LPCAT3: variants seen among roughly 807,000 people sequenced by gnomAD.
The protein encoded by LPCAT3 is lysophosphatidylcholine acyltransferase 3.
A neutral mutation model predicts 63.4 loss-of-function variants in LPCAT3; 21 were observed. The observed-to-expected ratio is 0.33, with a 90% confidence interval of 0.23 to 0.48. The LOEUF (loss-of-function observed/expected upper bound fraction) is 0.48, where lower values mean the gene tolerates loss of function less well. LPCAT3 is among the 20% of genes least tolerant of loss of function. The probability of loss-of-function intolerance (pLI) is 0.99; values close to 1 mark genes in which losing one functional copy is unlikely to be tolerated. For missense variants in LPCAT3, 451 were observed against 590.6 expected, an observed-to-expected ratio of 0.76 and a Z score of 2.45; for synonymous variants, 242 against 227.5, an observed-to-expected ratio of 1.06 and a Z score of -0.58.
rs1420618829 is a variant in LPCAT3, at chr12:6,976,232, G to A, written c.*672C>T. 1 of 157,466 alleles carries A rather than the reference G, an allele frequency of 6.4e-6. No individual in the cohort carries two copies. Among genetic ancestry groups the A allele is most frequent in the African/African-American group, 2.4e-5 (1 of 41,516 alleles). 9.8% of individuals were successfully genotyped at this position (157,466 alleles called of 1,614,324 possible). A position where few individuals can be genotyped will look rare whatever the true frequency, so the allele number is the denominator to read the frequency against. Reference sequence around the variant, plus strand: ...TGATTTTATCTAATACAGTTCCAAGGTAGAAAAAGTGGAGCAGGCAGGGCC... The same window carrying A: ...TGATTTTATCTAATACAGTTCCAAGATAGAAAAAGTGGAGCAGGCAGGGCC... On this transcript the variant is annotated 3_prime_UTR_variant, in exon 13 of 13. Coordinates refer to ENST00000261407, the MANE Select transcript of LPCAT3 (RefSeq NM_005768.6).
chr12:7,011,624 A>C (rs999646300), intron 1 of LPCAT3, among the ~76,000 whole-genome samples: 30 of 148,980 alleles, frequency 2.0e-4, no homozygotes, highest in African/African-American at 7.5e-4. Context: ...CTCCAGCCTG[A>C]ATGACAGAGT....
At chr12:6,995,426 A>T (rs1946628241) in intron 1 of LPCAT3, among the ~76,000 whole-genome samples, 1 of 151,400 alleles carries the variant, frequency 6.6e-6, no homozygotes, top group South Asian at 2.1e-4. Flanking sequence ...GTGAGCTGAG[A>T]TCGTCTCACT....
intron 1 of LPCAT3, among the ~76,000 whole-genome samples, chr12:6,986,884 C>T (rs782793627): frequency 4.7e-5 from 7 of 150,092 alleles, no homozygotes; most frequent in Admixed American, 3.3e-4. Flanking sequence ...GAGGCTTAGG[C>T]GGGTGGGTCG....
intron 1 of LPCAT3, among the ~76,000 whole-genome samples, chr12:7,006,874 C>T (rs1166835865): frequency 1.3e-5 from 2 of 152,188 alleles, no homozygotes; most frequent in African/African-American, 4.8e-5. Context: ...ATTGCTACCA[C>T]AGCAGAAATT....
intron 1 of LPCAT3, among the ~76,000 whole-genome samples, chr12:7,010,650 A>G (rs1555157157): frequency 6.6e-6 from 1 of 152,234 alleles, no homozygotes; most frequent in Admixed American, 6.5e-5. Context: ...CTGCCCAGAC[A>G]TGCTTTCATG....
intron 1 of LPCAT3, 102 bp from the exon 2 acceptor site, chr12:6,983,641 G>GA (rs1390536288): frequency 0.04 from 21,341 of 533,678 alleles, no homozygotes; most frequent in South Asian, 0.052. Flanking sequence ...GAGGGAGAGA[G>GA]AAAAAAAAAA....
At position 6,996,863 on chromosome 12, in the gene LPCAT3, G is replaced by A. The variant is rs115450445; in HGVS notation, c.152-13324C>T. Among the ~76,000 whole-genome samples, 236 of 152,280 alleles carry A rather than the reference G, an allele frequency of 1.5e-3. 1 individual carries two copies. The highest frequency in any genetic ancestry group is 5.4e-3 in the African/African-American group (226 of 41,548). ...AGAGAAGAGATGACGGCATTCCAAG[G>A]GAGGATAATGTAGTAAAGACACAGC... On this transcript the variant is annotated intron_variant, in intron 1 of 12. Transcript: ENST00000261407.
chr12:6,986,463 T>A (rs1344832950), intron 1 of LPCAT3, among the ~76,000 whole-genome samples: 1 of 152,182 alleles, frequency 6.6e-6, no homozygotes, highest in Non-Finnish European at 1.5e-5. Context: ...GTAAGTCTTC[T>A]ATTAGTAGTT....
At chr12:6,998,127 G>A (rs1185845879) in intron 1 of LPCAT3, among the ~76,000 whole-genome samples, 1 of 152,150 alleles carries the variant, frequency 6.6e-6, no homozygotes, top group Non-Finnish European at 1.5e-5. Flanking sequence ...GTGATCTTCC[G>A]ACCTCAGACC....
chr12:6,992,589 C>T lies in LPCAT3; in HGVS notation c.152-9050G>A, dbSNP rs12578999. ...CCCCAAAGAGATTCCTTAAAGAAGT[C>T]TCAGGAACTTTTAGGAGTAGTCTAT... On this transcript the variant is annotated intron_variant, in intron 1 of 12. Coordinates refer to ENST00000261407, the MANE Select transcript of LPCAT3 (RefSeq NM_005768.6). 1.7e-3 allele frequency among the ~76,000 whole-genome samples: 260 copies of T among 152,328 alleles called. 1 individual carries two copies. The South Asian group carries it at 0.031, about 18-fold the overall frequency.
intron 1 of LPCAT3, among the ~76,000 whole-genome samples, chr12:7,014,671 T>A (rs1398797059): frequency 2.6e-5 from 4 of 151,800 alleles, no homozygotes; most frequent in Admixed American, 6.6e-5. Context: ...CCGAGGCAGG[T>A]GGATCACGAC....
chr12:7,018,315 G>A lies in LPCAT3; in HGVS notation c.110C>T (p.Ala37Val), dbSNP rs1555157776. The change falls in exon 1 of 13, where the codon GCG becomes GTG. Residue 37 changes from alanine (A) to valine (V), a missense_variant. Transcript: ENST00000261407. The surrounding 1 kb of genome is among the most constrained non-coding windows in gnomAD (Gnocchi z 4.9). ...SLNKLATSLG[A>V]SEQALRLIIS... ...GATCAGCCGCAGCGCCTGTTCTGAC[G>A]CGCCCAGGGACGTCGCCAACTTGTT... is the stretch of plus-strand genomic sequence containing the variant. 2 of 1,609,196 alleles carry A rather than the reference G, an allele frequency of 1.2e-6. No homozygotes were observed. The highest frequency in any genetic ancestry group is 1.7e-5 in the Admixed American group (1 of 59,176).
intron 1 of LPCAT3, among the ~76,000 whole-genome samples, chr12:6,999,305 T>C (rs1287138471): frequency 6.6e-6 from 1 of 152,128 alleles, no homozygotes; most frequent in Non-Finnish European, 1.5e-5. Flanking sequence ...ACAGGACTCA[T>C]GGAAACTGGG....
At chr12:6,996,844 G>C (rs782798355) in intron 1 of LPCAT3, among the ~76,000 whole-genome samples, 1 of 152,322 alleles carries the variant, frequency 6.6e-6, no homozygotes, top group African/African-American at 2.4e-5. Flanking sequence ...GAACAGAGAA[G>C]AGATGACGGC....
rs782167922 is a variant in LPCAT3 at position 6,977,502 on chromosome 12, G to T, written c.1212C>A (p.Ser404Arg). ...ERQAARLIQE[S>R]PTLSKLAAIT... ...TGGCGGCCAGCTTGCTCAGGGTGGGGCTCTCTTGAATGAGCCTGGCAGCCT... is the reference window on the plus strand; with the variant it reads ...TGGCGGCCAGCTTGCTCAGGGTGGGTCTCTCTTGAATGAGCCTGGCAGCCT... The change falls in exon 11 of 13, where the codon AGC becomes AGA. Residue 404 changes from serine (S) to arginine (R), a missense_variant. Around this residue, in one of 3 missense-constraint regions of LPCAT3, gnomAD observed 304 missense variants for 390.8 expected, o/e 0.78. Coordinates refer to ENST00000261407, the MANE Select transcript of LPCAT3 (RefSeq NM_005768.6). This position sits in a 1 kb window ranked among gnomAD's most constrained non-coding sequence, Gnocchi z 4.5. 2 of 1,614,088 alleles carry T rather than the reference G, an allele frequency of 1.2e-6. No homozygotes were observed. The highest frequency in any genetic ancestry group is 1.7e-6 in the Non-Finnish European group (2 of 1,180,048).
At position 6,977,348 on chromosome 12, in the gene LPCAT3, C is replaced by T. The variant is rs1946416604; in HGVS notation, c.1347+19G>A. On this transcript the variant is annotated intron_variant, in intron 11 of 12. Transcript: ENST00000261407. This position sits in a 1 kb window ranked among gnomAD's most constrained non-coding sequence, Gnocchi z 4.5. Reference sequence around the variant, plus strand: ...TTGCAGTGAGTCCCTCCCAGTCTCACAAGCAGGCCTTCACTTGCCTTAAGC... The same window carrying T: ...TTGCAGTGAGTCCCTCCCAGTCTCATAAGCAGGCCTTCACTTGCCTTAAGC... The T allele has an allele frequency of 4.3e-6, 7 of 1,613,952 alleles. No homozygotes were observed. Among genetic ancestry groups the T allele is most frequent in the South Asian group, 3.3e-5 (3 of 91,088 alleles).
chr12:7,000,945 G>C (rs1721809876), intron 1 of LPCAT3, among the ~76,000 whole-genome samples: 1 of 152,084 alleles, frequency 6.6e-6, no homozygotes. Context: ...CTGACCTCGT[G>C]ATCTGCCCGC....
Position 6,977,872 on chromosome 12 carries a change from G to A in LPCAT3, c.1041-127C>T. The stretch of plus-strand genomic sequence containing the variant: ...TGGGTTCCCACGTGTAGCCCCCAGA[G>A]GGTACAGGAGGCAGTGCTGACTGAT... On this transcript the variant is annotated intron_variant, in intron 9 of 12. Transcript: ENST00000261407. This position sits in a 1 kb window ranked among gnomAD's most constrained non-coding sequence, Gnocchi z 4.5. The A allele has an allele frequency of 9.3e-7, 1 of 1,077,776 alleles. No individual in the cohort carries two copies. The highest frequency in any genetic ancestry group is 1.4e-6 in the Non-Finnish European group (1 of 727,704). 66.8% of individuals were successfully genotyped at this position (1,077,776 alleles called of 1,614,324 possible).
chr12:7,001,186 A>G (rs1340029411), intron 1 of LPCAT3, among the ~76,000 whole-genome samples: 2 of 149,376 alleles, frequency 1.3e-5, no homozygotes, highest in Non-Finnish European at 3.0e-5. Context: ...AGGAAGAAGC[A>G]TATTTGCCAT....
Sources: gnomAD v4.1 joint callset for allele counts (sites outside exome capture counted in the v4.1 genomes callset) on GRCh38, gnomAD v4.1.1 for gene constraint, gnomAD v4.1.1 regional missense constraint, Gnocchi (gnomAD v3.1) non-coding constraint, MANE v1.5 for transcripts, NCBI Gene and HGNC (gene_info 2026-07-23, HGNC 2026-07-21) for gene names.